Variants in WDPCP observed in about 807,000 individuals in gnomAD.
The protein encoded by WDPCP is WD repeat containing planar cell polarity effector.
A neutral mutation model predicts 93.1 loss-of-function variants in WDPCP; 71 were observed. That is an observed-to-expected ratio of 0.76 (90% CI 0.63 to 0.93). The LOEUF (loss-of-function observed/expected upper bound fraction) is 0.93. Among genes scored for constraint, WDPCP ranks in the 40% least tolerant of loss-of-function variants. WDPCP has a pLI of 0.00. For missense variants in WDPCP, 844 were observed against 887.4 expected, an observed-to-expected ratio of 0.95 and a Z score of 0.62; for synonymous variants, 315 against 315.0, an observed-to-expected ratio of 1.00 and a Z score of 0.00.
intron 2 of WDPCP, among the ~76,000 whole-genome samples, chr2:63,673,966 G>A (rs553509816): frequency 1.8e-4 from 28 of 152,270 alleles, no homozygotes; most frequent in Admixed American, 7.8e-4. Flanking sequence ...ACGTGAAGCT[G>A]GGTATGCTTT....
chr2:63,138,710 C>T (rs190581543), intron 17 of WDPCP, among the ~76,000 whole-genome samples: 213 of 152,166 alleles, frequency 1.4e-3, no homozygotes, highest in South Asian at 5.0e-3. Flanking sequence ...CCTCAGCCTC[C>T]GAAAGTTCTG....
intron 12 of WDPCP, among the ~76,000 whole-genome samples, chr2:63,314,467 C>T (rs1686480047): frequency 6.6e-6 from 1 of 152,122 alleles, no homozygotes; most frequent in South Asian, 2.1e-4. Context: ...CATTGTCATC[C>T]ATCTTCTTAG....
intron 13 of WDPCP, among the ~76,000 whole-genome samples, chr2:63,261,584 A>T (rs866640179): frequency 2.0e-5 from 3 of 152,322 alleles, no homozygotes; most frequent in South Asian, 2.1e-4. Flanking sequence ...TGATGATAGG[A>T]AACACCAGCT....
intron 1 of WDPCP, among the ~76,000 whole-genome samples, chr2:63,539,546 G>C (rs763171676): frequency 6.6e-6 from 1 of 152,112 alleles, no homozygotes. Flanking sequence ...ACAGAAATTA[G>C]CCAGGTGTGG....
chr2:63,503,689 TA>T (rs1259197043), intron 1 of WDPCP, among the ~76,000 whole-genome samples: 1 of 152,168 alleles, frequency 6.6e-6, no homozygotes, highest in East Asian at 1.9e-4. Context: ...TCTATAAATA[TA>T]ATTTTATGCC....
chr2:63,683,966 T>C (rs1010738956), intron 2 of WDPCP, among the ~76,000 whole-genome samples: 3 of 151,972 alleles, frequency 2.0e-5, no homozygotes, highest in African/African-American at 7.3e-5. Flanking sequence ...CATCCAGATA[T>C]ATAAAGCAAA....
At chr2:63,538,441 A>T (rs1485156500) in intron 1 of WDPCP, among the ~76,000 whole-genome samples, 1 of 152,182 alleles carries the variant, frequency 6.6e-6, no homozygotes, top group African/African-American at 2.4e-5. Flanking sequence ...CATAACTTTA[A>T]AATATTTGAA....
At chr2:63,639,638 G>C (rs1709959575) in intron 3 of WDPCP, among the ~76,000 whole-genome samples, 1 of 152,126 alleles carries the variant, frequency 6.6e-6, no homozygotes. Flanking sequence ...ATTTCAACAT[G>C]AGTTTCACAG....
At chr2:63,243,123 A>G (rs953257072) in intron 14 of WDPCP, among the ~76,000 whole-genome samples, 2 of 152,222 alleles carry the variant, frequency 1.3e-5, no homozygotes, top group Non-Finnish European at 2.9e-5. Context: ...ACATATGTCA[A>G]TCTGACTTCT....
chr2:63,508,922 G>C (rs1702052289), intron 1 of WDPCP, among the ~76,000 whole-genome samples: 1 of 152,178 alleles, frequency 6.6e-6, no homozygotes, highest in African/African-American at 2.4e-5. Flanking sequence ...GGAGCACTCA[G>C]ATTTATAAAG....
intron 3 of WDPCP, chr2:63,594,546 T>C (rs748062233): frequency 6.2e-7 from 1 of 1,613,890 alleles, no homozygotes. Flanking sequence ...TATTCACTGC[T>C]GTACAGTATT....
chr2:63,549,945 C>A (rs956330000), intron 1 of WDPCP, among the ~76,000 whole-genome samples: 8 of 151,218 alleles, frequency 5.3e-5, no homozygotes, highest in Non-Finnish European at 1.0e-4. Flanking sequence ...GTGCTCACTC[C>A]CTCTCTTTCC....
At chr2:63,366,716 A>G (rs1690942151) in intron 12 of WDPCP, among the ~76,000 whole-genome samples, 1 of 152,120 alleles carries the variant, frequency 6.6e-6, no homozygotes, top group African/African-American at 2.4e-5. Flanking sequence ...ACTGCCCTCT[A>G]CATCAGTATG....
At chr2:63,131,907 C>T (rs1670320052) in intron 17 of WDPCP, among the ~76,000 whole-genome samples, 1 of 148,712 alleles carries the variant, frequency 6.7e-6, no homozygotes, top group Admixed American at 6.8e-5. Context: ...GCGATCTCAG[C>T]TCACTGCAAC....
At chr2:63,521,111 T>G (rs1285590544) in intron 1 of WDPCP, among the ~76,000 whole-genome samples, 2 of 151,958 alleles carry the variant, frequency 1.3e-5, no homozygotes, top group Non-Finnish European at 2.9e-5. Flanking sequence ...AAAACCACAT[T>G]TAAACTCATA....
intron 6 of WDPCP, chr2:63,440,733 C>T (rs1222086525): frequency 6.6e-6 from 1 of 152,510 alleles, no homozygotes; most frequent in Non-Finnish European, 1.5e-5. Flanking sequence ...AGACTCAAAG[C>T]TGATGAATCA....
intron 13 of WDPCP, among the ~76,000 whole-genome samples, chr2:63,264,109 T>G (rs1681887591): frequency 6.6e-6 from 1 of 152,172 alleles, no homozygotes; most frequent in Non-Finnish European, 1.5e-5. Context: ...AAAACATGGA[T>G]GTACCCCCGG....
chr2:63,421,318 G>T (rs537222039), intron 9 of WDPCP, among the ~76,000 whole-genome samples: 5 of 152,056 alleles, frequency 3.3e-5, no homozygotes, highest in South Asian at 4.2e-4. Flanking sequence ...TACAAATTAT[G>T]TTTATATTAA....
At chr2:63,232,810 A>C (rs1280586194) in intron 14 of WDPCP, 1 of 155,644 alleles carries the variant, frequency 6.4e-6, no homozygotes, top group Non-Finnish European at 1.4e-5. Flanking sequence ...AATTGGTCTT[A>C]CTAGCACCTG....
Sources: allele counts gnomAD v4.1 joint callset (sites outside exome capture counted in the v4.1 genomes callset), GRCh38; gene constraint gnomAD v4.1.1; transcripts MANE v1.5; gene names NCBI Gene and HGNC (gene_info 2026-07-23, HGNC 2026-07-21).